Variants in FCHO2 observed in about 807,000 individuals in gnomAD.
FCHO2 encodes the protein F-BAR domain only protein 2.
In FCHO2, 43 loss-of-function variants were observed where a neutral mutation model predicts 114.1. The observed-to-expected ratio is 0.38, with a 90% CI of 0.30 to 0.49. The LOEUF (loss-of-function observed/expected upper bound fraction) is 0.49. FCHO2 is among the 20% of genes least tolerant of loss of function. The pLI is 0.97. For missense variants in FCHO2, 807 were observed against 950.4 expected (o/e 0.85, Z 1.98); for synonymous variants, 293 against 315.2 (o/e 0.93, Z 0.75).
Position 73,032,713 on chromosome 5 carries a change from A to G in FCHO2, c.797-1944A>G, listed in dbSNP as rs114353522. On this transcript the variant is annotated intron_variant, in intron 8 of 25. Transcript: ENST00000430046. Reference sequence around the variant, plus strand: ...GTTTTTATGGTACTTACTTTTTTCTACTCTCTAGAGTAAGCGTGTGGCCTG... The same window carrying G: ...GTTTTTATGGTACTTACTTTTTTCTGCTCTCTAGAGTAAGCGTGTGGCCTG... 3.9e-3 allele frequency among the ~76,000 whole-genome samples: 594 copies of G among 152,026 alleles called. 3 individuals carry two copies. Among genetic ancestry groups the G allele is most frequent in the Non-Finnish European group, 5.5e-3 (372 of 67,972 alleles).
chr5:73,030,717 C>G (rs1378275720), intron 8 of FCHO2, among the ~76,000 whole-genome samples: 2 of 152,188 alleles, frequency 1.3e-5, no homozygotes, highest in Non-Finnish European at 2.9e-5. Context: ...CTGAATAGAA[C>G]ACTGTGGGAG....
Position 72,970,397 on chromosome 5 carries a change from T to C in FCHO2, c.125+1808T>C, listed in dbSNP as rs1223037595. Among the ~76,000 whole-genome samples, 6 of 152,294 alleles carry C rather than the reference T, an allele frequency of 3.9e-5. No individual in the cohort carries two copies. The East Asian group carries it at 5.8e-4, about 15-fold the overall frequency. Reference sequence around the variant, plus strand: ...CACTCCAGAGATACTGGGTATCTTATAGACAGGCTTCCTCTGTCTAGTCCA... The same window carrying C: ...CACTCCAGAGATACTGGGTATCTTACAGACAGGCTTCCTCTGTCTAGTCCA... On this transcript the variant is annotated intron_variant, in intron 2 of 25. Transcript: ENST00000430046.
At chr5:72,997,356 G>C in intron 5 of FCHO2, 1 of 1,591,710 alleles carries the variant, frequency 6.3e-7, no homozygotes, top group East Asian at 2.2e-5. Flanking sequence ...GACAATAGCA[G>C]AAGCATTCTT....
intron 5 of FCHO2, among the ~76,000 whole-genome samples, chr5:72,999,216 A>G (rs1008235290): frequency 2.0e-5 from 3 of 151,894 alleles, no homozygotes; most frequent in Non-Finnish European, 4.4e-5. Flanking sequence ...ATATATTTTA[A>G]TCCAAGTCAG....
chr5:72,985,101 C>T (rs1239395499), intron 2 of FCHO2, among the ~76,000 whole-genome samples: 1 of 152,068 alleles, frequency 6.6e-6, no homozygotes, highest in African/African-American at 2.4e-5. Context: ...AAATATCTTC[C>T]TTTATCCCTG....
Position 73,082,798 on chromosome 5 carries a change from A to T in FCHO2, c.2218A>T (p.Ser740Cys), listed in dbSNP as rs774491802. The change falls in exon 24 of 26, where the codon AGT becomes TGT. Residue 740 changes from serine (S) to cysteine (C), a missense_variant. Ser to Cys is a moderately radical substitution (Grantham distance 112, BLOSUM62 -1). Transcript: ENST00000430046. ...EQMKAFWKLS[S>C]ISEKSENGGS... ...AATGAAAGCCTTTTGGAAATTGTCT[A>T]GTATTTCAGAAAAATCAGAAAATGG... 1.2e-6 allele frequency: 2 copies of T among 1,607,128 alleles called. No individual in the cohort carries two copies. The highest frequency in any genetic ancestry group is 1.7e-6 in the Non-Finnish European group (2 of 1,176,690).
chr5:73,008,504 G>A (rs1368244768), intron 6 of FCHO2, among the ~76,000 whole-genome samples: 1 of 152,088 alleles, frequency 6.6e-6, no homozygotes, highest in Non-Finnish European at 1.5e-5. Context: ...ATGAAGAACT[G>A]TTAGTTTGAT....
intron 11 of FCHO2, among the ~76,000 whole-genome samples, chr5:73,050,168 A>T (rs1757273471): frequency 6.6e-6 from 1 of 152,062 alleles, no homozygotes; most frequent in South Asian, 2.1e-4. Flanking sequence ...TTTTGAAATA[A>T]CCATTCAGTA....
chr5:72,976,629 A>T (rs979555946), intron 2 of FCHO2, among the ~76,000 whole-genome samples: 42 of 151,886 alleles, frequency 2.8e-4, no homozygotes, highest in African/African-American at 9.7e-4. Flanking sequence ...TTTTTTTAAA[A>T]TTTTTTTATT....
At chr5:73,040,499 C>G (rs1756752079) in intron 10 of FCHO2, among the ~76,000 whole-genome samples, 1 of 152,206 alleles carries the variant, frequency 6.6e-6, no homozygotes, top group African/African-American at 2.4e-5. Context: ...AGAGTGCATA[C>G]ATGGAAATTC....
At chr5:73,072,704 G>A (rs1052360838) in intron 19 of FCHO2, among the ~76,000 whole-genome samples, 1 of 152,044 alleles carries the variant, frequency 6.6e-6, no homozygotes, top group Non-Finnish European at 1.5e-5. Flanking sequence ...GAGACAGCAA[G>A]TAGAATGGTG....
Position 73,078,226 on chromosome 5 carries a change from A to G in FCHO2, c.1894A>G (p.Met632Val). ...CAACACAAAAGATTTTTGGATGAAC[A>G]TGCAAGCTGTTACAGTCTACCTCAA... Reference protein sequence around the residue: ...DSNTKDFWMNMQAVTVYLKKL... With the variant: ...DSNTKDFWMNVQAVTVYLKKL... The change falls in exon 22 of 26, where the codon ATG (methionine) becomes GTG (valine). Residue 632 changes from methionine (M) to valine (V), a missense_variant. Transcript: ENST00000430046. The G allele has an allele frequency of 6.3e-7, 1 of 1,585,632 alleles. No homozygotes were observed.
intron 18 of FCHO2, among the ~76,000 whole-genome samples, chr5:73,065,261 T>TAGAACTTTG (rs760487712): frequency 6.6e-6 from 1 of 151,976 alleles, no homozygotes; most frequent in Non-Finnish European, 1.5e-5. Context: ...TCGTTATGAC[T>TAGAACTTTG]AGAACTTTGA....
chr5:73,004,282 A>C (rs1754598899), intron 5 of FCHO2, among the ~76,000 whole-genome samples: 1 of 152,150 alleles, frequency 6.6e-6, no homozygotes. Flanking sequence ...TATCCATTTC[A>C]TTTAGCTGTT....
At chr5:73,000,284 C>T (rs1484335298) in intron 5 of FCHO2, among the ~76,000 whole-genome samples, 2 of 151,950 alleles carry the variant, frequency 1.3e-5, no homozygotes, top group Non-Finnish European at 2.9e-5. Context: ...ACCAGCCTGG[C>T]CAACGTAGTG....
Position 72,984,868 on chromosome 5 carries a change from T to C in FCHO2, c.126-4559T>C, listed in dbSNP as rs116661619. 4.1e-3 allele frequency among the ~76,000 whole-genome samples: 627 copies of C among 152,096 alleles called. 3 individuals carry two copies. Among genetic ancestry groups the C allele is most frequent in the African/African-American group, 0.014 (597 of 41,486 alleles). On this transcript the variant is annotated intron_variant, in intron 2 of 25. Transcript: ENST00000430046. Reference sequence around the variant, plus strand: ...CCAGGCTGGTCTCAAACACCAGAGCTCAAGCGATCCTTCTGCCTCGGCCTC... The same window carrying C: ...CCAGGCTGGTCTCAAACACCAGAGCCCAAGCGATCCTTCTGCCTCGGCCTC...
chr5:73,030,800 C>T (rs887168225), intron 8 of FCHO2, among the ~76,000 whole-genome samples: 8 of 152,096 alleles, frequency 5.3e-5, no homozygotes, highest in East Asian at 1.9e-4. Flanking sequence ...AGAAGCATTG[C>T]GCCAGGAGTC....
chr5:73,054,446 C>A (rs1757488137), intron 14 of FCHO2, 79 bp from the exon 15 acceptor site: 1 of 1,228,286 alleles, frequency 8.1e-7, no homozygotes, highest in Non-Finnish European at 1.2e-6. Context: ...AAATTAGGTT[C>A]CCAGTATTAA....
chr5:73,071,055 G>A (rs58316875), intron 19 of FCHO2, among the ~76,000 whole-genome samples: 1 of 151,958 alleles, frequency 6.6e-6, no homozygotes, highest in Non-Finnish European at 1.5e-5. Context: ...TGATGTCTCA[G>A]AAATCAAGAA....
Sources: gnomAD v4.1 joint callset for allele counts (sites outside exome capture counted in the v4.1 genomes callset) on GRCh38, gnomAD v4.1.1 for gene constraint, MANE v1.5 for transcripts, NCBI Gene and HGNC (gene_info 2026-07-23, HGNC 2026-07-21) for gene names.